CD34: variants seen among roughly 807,000 people sequenced by gnomAD.
CD34 encodes the protein hematopoietic progenitor cell antigen CD34.
A neutral mutation model predicts 40.1 loss-of-function variants in CD34; 34 were observed. That is an observed-to-expected ratio of 0.85 (90% confidence interval 0.65 to 1.13). CD34 has a LOEUF of 1.13. CD34 is among the 50% of genes most tolerant of loss of function. The pLI is 0.00. For missense variants in CD34, 426 were observed against 466.9 expected, an observed-to-expected ratio of 0.91 and a Z score of 0.81; for synonymous variants, 209 against 190.0, an observed-to-expected ratio of 1.10 and a Z score of -0.82.
In CD34 at chr1:207,881,579, GA is replaced by G. The variant is rs1365173381; in HGVS notation, c.*6158del. The G allele has an allele frequency of 6.9e-6, 1 of 145,916 alleles. No homozygotes were observed. The highest frequency in any genetic ancestry group is 1.5e-5 in the Non-Finnish European group (1 of 67,396). The allele number at this position is 145,916 out of a possible 1,614,324, so 9.0% of individuals were successfully genotyped here. A position where few individuals can be genotyped will look rare whatever the true frequency, so the allele number is the denominator to read the frequency against. ...GGAGGCTGAGGCAGGAGAATGGCGT[GA>G]ACCCGGGAGGCAGAGCTTGCAGTGA... On this transcript the variant is annotated 3_prime_UTR_variant, in exon 8 of 8. Transcript: ENST00000310833.
In CD34 at chr1:207,883,013, A is replaced by C. The variant is rs75475413; in HGVS notation, c.*4725T>G. ...GTGCCTGGCATAGTACCTGGCTTAT[A>C]ATAAGCACTCAAATATTTTTTGAAT... On this transcript the variant is annotated 3_prime_UTR_variant, in exon 8 of 8. Transcript: ENST00000310833. 1 of 152,162 alleles carries C rather than the reference A, an allele frequency of 6.6e-6. No homozygotes were observed. Among genetic ancestry groups the C allele is most frequent in the Non-Finnish European group, 1.5e-5 (1 of 68,024 alleles). The allele number at this position is 152,162 out of a possible 1,614,324, so 9.4% of individuals were successfully genotyped here.
Position 207,899,739 on chromosome 1 carries a change from G to A in CD34, c.262+82C>T, listed in dbSNP as rs146925043. The A allele has an allele frequency of 4.7e-5, 58 of 1,237,938 alleles. No individual in the cohort carries two copies. The East Asian group carries it at 1.4e-3, about 29-fold the overall frequency. 76.7% of individuals were successfully genotyped at this position (1,237,938 alleles called of 1,614,324 possible). The stretch of plus-strand genomic sequence containing the variant: ...TTGTATAATTTCCTCTGTGGAGAGG[G>A]GAGCGGTCTGAAAACATCCTAAATG... On this transcript the variant is annotated intron_variant, in intron 2 of 7. Coordinates refer to ENST00000310833, the MANE Select transcript of CD34 (RefSeq NM_001025109.2).
At chr1:207,905,233 T>G (rs1662351523) in intron 1 of CD34, among the ~76,000 whole-genome samples, 1 of 152,228 alleles carries the variant, frequency 6.6e-6, no homozygotes. Flanking sequence ...CCTCCCAGGT[T>G]CAAGACATTC....
chr1:207,883,148 C>T lies in CD34; in HGVS notation c.*4590G>A, dbSNP rs978254668. ...AACACCCTACACAAACTGTGACACCCGGATCTTTCTGGTACTCGGCTTCCC... is the reference window on the plus strand; with the variant it reads ...AACACCCTACACAAACTGTGACACCTGGATCTTTCTGGTACTCGGCTTCCC... On this transcript the variant is annotated 3_prime_UTR_variant, in exon 8 of 8. Coordinates refer to ENST00000310833, the MANE Select transcript of CD34 (RefSeq NM_001025109.2). The T allele has an allele frequency of 6.6e-6, 1 of 152,178 alleles. No homozygotes were observed. The highest frequency in any genetic ancestry group is 2.4e-5 in the African/African-American group (1 of 41,442). The allele number at this position is 152,178 out of a possible 1,614,324, so 9.4% of individuals were successfully genotyped here.
intron 4 of CD34, among the ~76,000 whole-genome samples, chr1:207,897,108 T>C (rs534486420): frequency 5.3e-5 from 8 of 152,166 alleles, no homozygotes; most frequent in African/African-American, 1.9e-4. Context: ...GAACTGACAT[T>C]TTAGGTGACT....
At chr1:207,903,392 C>T (rs373874529) in intron 1 of CD34, among the ~76,000 whole-genome samples, 5 of 152,190 alleles carry the variant, frequency 3.3e-5, no homozygotes, top group Non-Finnish European at 4.4e-5. Flanking sequence ...AACCTCCACT[C>T]TTTTTCATTC....
At chr1:207,907,973 G>A (rs967856014) in intron 1 of CD34, among the ~76,000 whole-genome samples, 17 of 152,172 alleles carry the variant, frequency 1.1e-4, no homozygotes, top group Non-Finnish European at 1.5e-4. Context: ...AAGTCAATGA[G>A]AGAGGGAGGC....
At chr1:207,892,876 C>G (rs1252520595) in intron 4 of CD34, among the ~76,000 whole-genome samples, 1 of 152,092 alleles carries the variant, frequency 6.6e-6, no homozygotes, top group African/African-American at 2.4e-5. Context: ...AACATCCCAA[C>G]CAGTTGGCCT....
chr1:207,905,711 G>A (rs940601321), intron 1 of CD34, among the ~76,000 whole-genome samples: 1 of 152,114 alleles, frequency 6.6e-6, no homozygotes, highest in Non-Finnish European at 1.5e-5. Context: ...ACATGATGCC[G>A]CAAGTGGAAG....
At chr1:207,900,336 A>G (rs1479864276) in intron 1 of CD34, among the ~76,000 whole-genome samples, 1 of 152,212 alleles carries the variant, frequency 6.6e-6, no homozygotes, top group Non-Finnish European at 1.5e-5. Context: ...ATAAACAAAC[A>G]TTAGAAAGAA....
Position 207,899,833 on chromosome 1 carries a change from T to C in CD34, c.250A>G (p.Thr84Ala). The C allele has an allele frequency of 6.2e-7, 1 of 1,611,412 alleles. No individual in the cohort carries two copies. The highest frequency in any genetic ancestry group is 8.5e-7 in the Non-Finnish European group (1 of 1,178,916). ...ATGCTGTTTTTACCTGTGATGTTTG[T>C]TGTGGCCTCATTGCCATGTTGAGAC... Reference protein sequence around the residue: ...PVSQHGNEATTNITETTVKFT... With the variant: ...PVSQHGNEATANITETTVKFT... Residue 84 changes from threonine to alanine, a missense_variant, in exon 2 of 8, where the codon ACA (threonine) becomes GCA (alanine). By Grantham distance (58) the Thr-to-Ala change is moderately conservative. Coordinates refer to ENST00000310833, the MANE Select transcript of CD34 (RefSeq NM_001025109.2).
chr1:207,903,425 C>T (rs1313879807), intron 1 of CD34, among the ~76,000 whole-genome samples: 2 of 152,136 alleles, frequency 1.3e-5, no homozygotes, highest in African/African-American at 4.8e-5. Context: ...ACGGTCCCTA[C>T]CCACAAGGCT....
Position 207,887,672 on chromosome 1 carries a change from C to A in CD34, c.*66G>T. On this transcript the variant is annotated 3_prime_UTR_variant, in exon 8 of 8. Coordinates refer to ENST00000310833, the MANE Select transcript of CD34 (RefSeq NM_001025109.2). ...GATGTCACCTCCAGCATGGGGGTAG[C>A]ACGTGGTCAGATGCAGAGAGGGGTG... The A allele has an allele frequency of 6.3e-7, 1 of 1,598,288 alleles. No individual in the cohort carries two copies. The highest frequency in any genetic ancestry group is 1.1e-5 in the South Asian group (1 of 88,320).
At position 207,899,351 on chromosome 1, in the gene CD34, C is replaced by G. The variant is rs554528108; in HGVS notation, c.263-125G>C. 2.5e-4 allele frequency: 255 copies of G among 1,012,406 alleles called. 1 individual carries two copies. The highest frequency in any genetic ancestry group is 1.3e-3 in the Middle Eastern group (4 of 3,094). The allele number at this position is 1,012,406 out of a possible 1,614,324, so 62.7% of individuals were successfully genotyped here. ...GAGTTTGGGGAGTTAACAGTTACTT[C>G]GTGTCCCATCCCTGACCAAACTCAT... is the stretch of plus-strand genomic sequence containing the variant. On this transcript the variant is annotated intron_variant, in intron 2 of 7. Transcript: ENST00000310833.
At chr1:207,910,757 G>A (rs1318401259) in intron 1 of CD34, among the ~76,000 whole-genome samples, 1 of 152,228 alleles carries the variant, frequency 6.6e-6, no homozygotes, top group Non-Finnish European at 1.5e-5. Context: ...AACCAGTCGT[G>A]CTGACCGATT....
At chr1:207,894,854 T>C (rs1453431994) in intron 4 of CD34, among the ~76,000 whole-genome samples, 1 of 151,754 alleles carries the variant, frequency 6.6e-6, no homozygotes, top group African/African-American at 2.4e-5. Context: ...GTCTACAGAA[T>C]GCACATACAG....
chr1:207,888,880 A>G, intron 6 of CD34, 34 bp from the exon 7 acceptor site: 1 of 1,609,876 alleles, frequency 6.2e-7, no homozygotes, highest in African/African-American at 1.3e-5. Context: ...ACAGCCTGTC[A>G]CTTGCCAAAA....
rs1458469231 is a variant in CD34, at chr1:207,887,874, G to A, written c.1022C>T (p.Ser341Leu). Residue 341 changes from serine (S) to leucine (L), a missense_variant, in exon 8 of 8, where the codon TCA becomes TTA. Physicochemically the swap from Ser to Leu is moderately radical, Grantham distance 145. Coordinates refer to ENST00000310833, the MANE Select transcript of CD34 (RefSeq NM_001025109.2). Reference protein sequence around the residue: ...TENGGGQGYSSGPGTSPEAQG... With the variant: ...TENGGGQGYSLGPGTSPEAQG... Reference sequence around the variant, plus strand: ...AGCCTCAGGGGAGGTCCCAGGTCCTGAGCTATAGCCCTGGCCTCCACCGTT... The same window carrying A: ...AGCCTCAGGGGAGGTCCCAGGTCCTAAGCTATAGCCCTGGCCTCCACCGTT... 1.2e-6 allele frequency: 2 copies of A among 1,614,140 alleles called. No homozygotes were observed. The highest frequency in any genetic ancestry group is 1.7e-6 in the Non-Finnish European group (2 of 1,180,012).
rs766288946 is a variant in CD34, at chr1:207,889,145, A to C, written c.807+16T>G. On this transcript the variant is annotated intron_variant, in intron 6 of 7. Coordinates refer to ENST00000310833, the MANE Select transcript of CD34 (RefSeq NM_001025109.2). Reference sequence around the variant, plus strand: ...CCCGGCATTCCCTCTCAGGCCCATCATCTCAGAGGACTTACCTTTTTCAGG... The same window carrying C: ...CCCGGCATTCCCTCTCAGGCCCATCCTCTCAGAGGACTTACCTTTTTCAGG... 3 of 1,463,174 alleles carry C rather than the reference A, an allele frequency of 2.1e-6. No individual in the cohort carries two copies. In the East Asian group the frequency reaches 6.8e-5, roughly 33 times the overall value. 90.6% of individuals were successfully genotyped at this position (1,463,174 alleles called of 1,614,324 possible). A position where few individuals can be genotyped will look rare whatever the true frequency, so the allele number is the denominator to read the frequency against.
Sources: allele counts gnomAD v4.1 joint callset (sites outside exome capture counted in the v4.1 genomes callset), GRCh38; gene constraint gnomAD v4.1.1; transcripts MANE v1.5; gene names NCBI Gene and HGNC (gene_info 2026-07-23, HGNC 2026-07-21).